Variants in NRXN3 observed in about 807,000 individuals in gnomAD.
NRXN3 encodes the protein neurexin 3.
NRXN3 carries 32 observed loss-of-function variants against 137.6 expected under a neutral mutation model. The observed-to-expected ratio is 0.23, with a 90% CI of 0.18 to 0.31. The LOEUF (loss-of-function observed/expected upper bound fraction) is 0.31. Among genes scored for constraint, NRXN3 ranks in the 10% least tolerant of loss-of-function variants. NRXN3 has a pLI of 1.00. For missense variants in NRXN3, 1,574 were observed against 2,062.5 expected, an observed-to-expected ratio of 0.76 and a Z score of 4.59; for synonymous variants, 798 against 784.5, an observed-to-expected ratio of 1.02 and a Z score of -0.29.
At chr14:78,259,110 C>T (rs552922654) in intron 2 of NRXN3, among the ~76,000 whole-genome samples, 6 of 140,878 alleles carry the variant, frequency 4.3e-5, no homozygotes, top group Admixed American at 1.5e-4. Context: ...CCAGCCTGGG[C>T]GACAGTGCGA....
At chr14:79,113,425 T>TG (rs1340486818) in intron 15 of NRXN3, among the ~76,000 whole-genome samples, 2 of 152,200 alleles carry the variant, frequency 1.3e-5, no homozygotes, top group Non-Finnish European at 2.9e-5. Context: ...TACCCCCTCT[T>TG]GACTTTTTGT....
Position 78,715,109 on chromosome 14 carries a change from A to G in NRXN3, c.2014A>G (p.Thr672Ala), listed in dbSNP as rs201071818. 1.9e-6 allele frequency: 3 copies of G among 1,611,240 alleles called. No homozygotes were observed. The highest frequency in any genetic ancestry group is 2.5e-6 in the Non-Finnish European group (3 of 1,179,092). ...WNRFICDCTGTGYWGRTCERE... is the reference protein window; with the variant it reads ...WNRFICDCTGAGYWGRTCERE... Reference sequence around the variant, plus strand: ...CCGCTTCATCTGCGACTGCACCGGCACCGGATACTGGGGAAGAACCTGCGA... The same window carrying G: ...CCGCTTCATCTGCGACTGCACCGGCGCCGGATACTGGGGAAGAACCTGCGA... Residue 672 changes from threonine (T) to alanine (A), a missense_variant, in exon 8 of 21, where the codon ACC becomes GCC. Physicochemically the swap from Thr to Ala is moderately conservative, Grantham distance 58. Transcript: ENST00000335750.
chr14:78,204,794 A>G (rs2062024715), intron 1 of NRXN3, among the ~76,000 whole-genome samples: 1 of 152,240 alleles, frequency 6.6e-6, no homozygotes, highest in Non-Finnish European at 1.5e-5. Context: ...AAATGTTAGC[A>G]TAAATTCTAA....
chr14:78,561,108 C>T (rs371391685), intron 4 of NRXN3, among the ~76,000 whole-genome samples: 15 of 152,158 alleles, frequency 9.9e-5, no homozygotes, highest in East Asian at 1.9e-4. Flanking sequence ...TTATCTTGGA[C>T]GTTCAGGGAC....
At chr14:78,578,226 A>G (rs1283184744) in intron 4 of NRXN3, among the ~76,000 whole-genome samples, 1 of 152,222 alleles carries the variant, frequency 6.6e-6, no homozygotes, top group Admixed American at 6.5e-5. Flanking sequence ...CATGGATTTT[A>G]TGTAATTATA....
At chr14:78,506,828 C>T (rs146494390) in intron 4 of NRXN3, among the ~76,000 whole-genome samples, 1 of 151,970 alleles carries the variant, frequency 6.6e-6, no homozygotes, top group African/African-American at 2.4e-5. Flanking sequence ...TACCATCACA[C>T]CTGGTTCTCA....
intron 19 of NRXN3, among the ~76,000 whole-genome samples, chr14:79,801,127 A>T (rs2099178357): frequency 6.6e-6 from 1 of 152,202 alleles, no homozygotes; most frequent in Non-Finnish European, 1.5e-5. Flanking sequence ...CTGCTTTGGG[A>T]GTTTCAGTTG....
At chr14:79,157,514 A>G (rs10136679) in intron 15 of NRXN3, among the ~76,000 whole-genome samples, 2,803 of 151,886 alleles carry the variant, frequency 0.018, 83 homozygotes, top group African/African-American at 0.064. Flanking sequence ...TTTGTGTTGT[A>G]CAATTACAGA....
At chr14:78,993,330 G>A (rs1409855322) in intron 15 of NRXN3, among the ~76,000 whole-genome samples, 1 of 152,124 alleles carries the variant, frequency 6.6e-6, no homozygotes, top group Non-Finnish European at 1.5e-5. Flanking sequence ...GGACAGATAT[G>A]TGTATACTGA....
chr14:79,060,143 C>T (rs1481986045), intron 15 of NRXN3, among the ~76,000 whole-genome samples: 1 of 152,164 alleles, frequency 6.6e-6, no homozygotes, highest in African/African-American at 2.4e-5. Flanking sequence ...GACTTTAGTG[C>T]CTCTTGGGAT....
At chr14:78,589,824 G>A (rs570245413) in intron 4 of NRXN3, among the ~76,000 whole-genome samples, 33 of 152,274 alleles carry the variant, frequency 2.2e-4, no homozygotes, top group African/African-American at 7.7e-4. Flanking sequence ...GAGCAGGAGA[G>A]CCAGAGAAAA....
chr14:78,379,097 T>A (rs991208399), intron 4 of NRXN3, among the ~76,000 whole-genome samples: 2 of 151,914 alleles, frequency 1.3e-5, no homozygotes, highest in Non-Finnish European at 2.9e-5. Flanking sequence ...TGAGTAGCCA[T>A]ACAACTATTA....
chr14:79,207,460 C>T (rs926582620), intron 15 of NRXN3, among the ~76,000 whole-genome samples: 17 of 152,174 alleles, frequency 1.1e-4, no homozygotes, highest in African/African-American at 3.1e-4. Flanking sequence ...GAAAATGAGG[C>T]TGTCCCTTCT....
intron 4 of NRXN3, among the ~76,000 whole-genome samples, chr14:78,430,606 C>T (rs956975038): frequency 1.3e-5 from 2 of 152,216 alleles, no homozygotes; most frequent in Non-Finnish European, 2.9e-5. Flanking sequence ...ATGGGACCAT[C>T]AGGGACCCAC....
chr14:79,241,326 T>TA (rs996677252), intron 15 of NRXN3, among the ~76,000 whole-genome samples: 2 of 152,088 alleles, frequency 1.3e-5, no homozygotes, highest in South Asian at 2.1e-4. Context: ...CTCATGCTGC[T>TA]AAAAAAGACA....
At chr14:79,033,505 C>T (rs1448846776) in intron 15 of NRXN3, among the ~76,000 whole-genome samples, 41 of 151,988 alleles carry the variant, frequency 2.7e-4, no homozygotes, top group Non-Finnish European at 2.9e-5. Flanking sequence ...TCCAGATGTT[C>T]ATAGGTATAT....
chr14:78,668,487 A>C (rs2097906230), intron 6 of NRXN3, among the ~76,000 whole-genome samples: 1 of 152,152 alleles, frequency 6.6e-6, no homozygotes, highest in Non-Finnish European at 1.5e-5. Flanking sequence ...AGACTCTTTT[A>C]GTTGTTGAAA....
chr14:78,729,609 GCT>G (rs1337729294), intron 8 of NRXN3, among the ~76,000 whole-genome samples: 1 of 152,178 alleles, frequency 6.6e-6, no homozygotes, highest in Non-Finnish European at 1.5e-5. Context: ...AATGAGTACA[GCT>G]CAAAACTTTT....
intron 8 of NRXN3, among the ~76,000 whole-genome samples, chr14:78,719,858 T>C (rs1369905989): frequency 1.3e-5 from 2 of 150,706 alleles, no homozygotes; most frequent in Non-Finnish European, 3.0e-5. Context: ...GAAAAGAAAA[T>C]AGTGAAAATA....
Sources: gnomAD v4.1 joint callset for allele counts (sites outside exome capture counted in the v4.1 genomes callset) on GRCh38, gnomAD v4.1.1 for gene constraint, MANE v1.5 for transcripts, NCBI Gene and HGNC (gene_info 2026-07-23, HGNC 2026-07-21) for gene names.